The following CDH13 variants were observed in gnomAD, a reference collection of about 807,000 sequenced individuals.
CDH13 encodes cadherin-13.
CDH13 carries 24 observed loss-of-function variants against 63.8 expected under a neutral mutation model. The ratio of observed to expected loss-of-function variants is 0.38; its 90% CI spans 0.27 to 0.53. The LOEUF (loss-of-function observed/expected upper bound fraction) is 0.53, where lower values mean the gene tolerates loss of function less well. Ranked by LOEUF, CDH13 falls within the 20% of genes least tolerant of loss-of-function variation. The pLI, the probability that CDH13 is intolerant of heterozygous loss-of-function variation, is 0.85. For synonymous variants in CDH13, 503 were observed against 355.3 expected (o/e 1.42, Z -4.67); for missense variants, 1,049 against 903.1 (o/e 1.16, Z -2.07).
intron 3 of CDH13, among the ~76,000 whole-genome samples, chr16:83,063,469 C>T (rs535339310): frequency 6.6e-6 from 1 of 152,224 alleles, no homozygotes; most frequent in East Asian, 1.9e-4. Context: ...ATTTTCAAAC[C>T]ACCCCGCAGA....
At chr16:83,039,380 C>T (rs1337670029) in intron 3 of CDH13, among the ~76,000 whole-genome samples, 1 of 152,166 alleles carries the variant, frequency 6.6e-6, no homozygotes, top group Non-Finnish European at 1.5e-5. Flanking sequence ...GCTTGACCTG[C>T]GGAATTGTCA....
In CDH13 at chr16:82,670,281, C is replaced by T. The variant is rs181364276; in HGVS notation, c.45+43144C>T. 1.6e-4 allele frequency among the ~76,000 whole-genome samples: 24 copies of T among 152,250 alleles called. No individual in the cohort carries two copies. In the East Asian group the frequency reaches 2.7e-3, roughly 17 times the overall value. On this transcript the variant is annotated intron_variant, in intron 1 of 13. Coordinates refer to ENST00000567109, the MANE Select transcript of CDH13 (RefSeq NM_001257.5). The stretch of plus-strand genomic sequence containing the variant: ...TCATCTAGAGGGATCAGGAAATAAC[C>T]CAAAGGTTTGGTAGGCGACTTAGAA...
chr16:83,787,595 G>C (rs569227274), intron 13 of CDH13, among the ~76,000 whole-genome samples: 1 of 152,174 alleles, frequency 6.6e-6, no homozygotes, highest in East Asian at 1.9e-4. Context: ...GCGCCAGACA[G>C]ACCACAAGCC....
At chr16:83,578,546 C>T (rs1379243327) in intron 7 of CDH13, among the ~76,000 whole-genome samples, 1 of 152,134 alleles carries the variant, frequency 6.6e-6, no homozygotes, top group Non-Finnish European at 1.5e-5. Context: ...CTGAGCTGAC[C>T]CTTCAAGGGC....
chr16:83,049,745 C>G (rs1198337149), intron 3 of CDH13, among the ~76,000 whole-genome samples: 1 of 152,058 alleles, frequency 6.6e-6, no homozygotes, highest in African/African-American at 2.4e-5. Flanking sequence ...AATTGTTTAC[C>G]CATTCATCTG....
intron 10 of CDH13, among the ~76,000 whole-genome samples, chr16:83,718,950 C>A (rs1909309879): frequency 6.6e-6 from 1 of 152,178 alleles, no homozygotes; most frequent in Non-Finnish European, 1.5e-5. Flanking sequence ...CAGCCTGCTG[C>A]ATAGATGAGC....
At chr16:83,555,852 A>G (rs916094291) in intron 7 of CDH13, among the ~76,000 whole-genome samples, 1 of 152,244 alleles carries the variant, frequency 6.6e-6, no homozygotes, top group Non-Finnish European at 1.5e-5. Flanking sequence ...AGTTGCAAGG[A>G]CTGTACATGA....
At chr16:83,088,155 C>G (rs9930258) in intron 3 of CDH13, among the ~76,000 whole-genome samples, 1,836 of 152,324 alleles carry the variant, frequency 0.012, 39 homozygotes, top group African/African-American at 0.041. Flanking sequence ...CACCTTTTGG[C>G]TCACGACAAC....
intron 5 of CDH13, among the ~76,000 whole-genome samples, chr16:83,240,752 A>C (rs1028808058): frequency 8.4e-6 from 1 of 119,390 alleles, no homozygotes; most frequent in Non-Finnish European, 1.7e-5. Flanking sequence ...TTGAGAAACA[A>C]GGTTTCACTG....
intron 1 of CDH13, among the ~76,000 whole-genome samples, chr16:82,752,323 G>A (rs62034521): frequency 0.092 from 13,988 of 152,206 alleles, 777 homozygotes; most frequent in Non-Finnish European, 0.11. Flanking sequence ...GATAGAGAGC[G>A]GCGTGCAGAA....
chr16:83,161,307 A>G (rs1315906399), intron 4 of CDH13, among the ~76,000 whole-genome samples: 1 of 152,190 alleles, frequency 6.6e-6, no homozygotes, highest in East Asian at 1.9e-4. Context: ...AGTTCAATGT[A>G]GTATTCAGAA....
At chr16:83,082,099 C>T (rs2033294473) in intron 3 of CDH13, among the ~76,000 whole-genome samples, 1 of 152,218 alleles carries the variant, frequency 6.6e-6, no homozygotes, top group Non-Finnish European at 1.5e-5. Flanking sequence ...TGTGCCCGGC[C>T]ACCTAATTAC....
At chr16:83,490,505 G>A (rs1428146048) in intron 7 of CDH13, among the ~76,000 whole-genome samples, 2 of 152,136 alleles carry the variant, frequency 1.3e-5, no homozygotes, top group African/African-American at 2.4e-5. Context: ...TCTGAGGCAG[G>A]TGCACTCATC....
intron 2 of CDH13, among the ~76,000 whole-genome samples, chr16:82,974,042 C>T (rs753219414): frequency 2.0e-5 from 3 of 152,252 alleles, no homozygotes; most frequent in Admixed American, 6.5e-5. Context: ...GCCTCAGCCT[C>T]CCAAGTAATC....
chr16:83,296,018 A>G (rs1160940079), intron 5 of CDH13, among the ~76,000 whole-genome samples: 1 of 152,176 alleles, frequency 6.6e-6, no homozygotes, highest in African/African-American at 2.4e-5. Context: ...CAGAGAAATA[A>G]ACTCTGGTCA....
At chr16:83,229,811 C>T (rs1005924562) in intron 5 of CDH13, among the ~76,000 whole-genome samples, 7 of 152,146 alleles carry the variant, frequency 4.6e-5, no homozygotes, top group African/African-American at 1.2e-4. Context: ...CAGGAATCCT[C>T]GTTCCTGTTT....
intron 3 of CDH13, among the ~76,000 whole-genome samples, chr16:83,050,593 C>T (rs1253151933): frequency 6.6e-6 from 1 of 152,020 alleles, no homozygotes; most frequent in East Asian, 1.9e-4. Context: ...TGTTTTCTAC[C>T]ATCCTCAACA....
intron 5 of CDH13, among the ~76,000 whole-genome samples, chr16:83,253,941 C>T (rs571844796): frequency 6.6e-6 from 1 of 152,248 alleles, no homozygotes; most frequent in Admixed American, 6.5e-5. Context: ...TTAATGTTCC[C>T]AAACTCTTGC....
At chr16:83,132,189 C>T (rs2151657660) in intron 4 of CDH13, among the ~76,000 whole-genome samples, 2 of 152,208 alleles carry the variant, frequency 1.3e-5, no homozygotes, top group South Asian at 4.2e-4. Context: ...GAGGCTGAAC[C>T]AGAAAGCTGG....
Sources: gnomAD v4.1 joint callset for allele counts (sites outside exome capture counted in the v4.1 genomes callset) on GRCh38, gnomAD v4.1.1 for gene constraint, MANE v1.5 for transcripts, NCBI Gene and HGNC (gene_info 2026-07-23, HGNC 2026-07-21) for gene names.